The following SMCO4 variants were observed in gnomAD, a reference collection of about 807,000 sequenced individuals.
SMCO4 encodes single-pass membrane and coiled-coil domain-containing protein 4.
SMCO4 carries 4 observed loss-of-function variants against 3.6 expected under a neutral mutation model. The ratio of observed to expected loss-of-function variants is 1.11; its 90% CI spans 0.54 to 2.53. The LOEUF (loss-of-function observed/expected upper bound fraction) is 2.53, where lower values mean the gene tolerates loss of function less well. Among genes scored for constraint, SMCO4 ranks in the 30% most tolerant of loss-of-function variants. The pLI is 0.02. For synonymous variants in SMCO4, 36 were observed against 35.3 expected (o/e 1.02, Z -0.07); for missense variants, 70 against 80.8 (o/e 0.87, Z 0.51).
chr11:93,502,961 A>C (rs576294171), intron 1 of SMCO4, among the ~76,000 whole-genome samples: 19 of 152,314 alleles, frequency 1.2e-4, no homozygotes, highest in Non-Finnish European at 2.6e-4. Flanking sequence ...TTTGTATACC[A>C]ACTCAAGGAG....
intron 1 of SMCO4, among the ~76,000 whole-genome samples, chr11:93,506,441 T>C (rs1157840318): frequency 2.0e-5 from 2 of 101,082 alleles, no homozygotes; most frequent in Non-Finnish European, 4.8e-5. Context: ...CACACACAGC[T>C]TTTTTTTTTT....
the SMCO4 span, among the ~76,000 whole-genome samples, chr11:93,550,031 C>T: frequency 1.3e-5 from 2 of 152,224 alleles, no homozygotes. Flanking sequence ...AAAAAAGCAC[C>T]AGAGCGCTAC....
chr11:93,515,752 C>T (rs1390871530), intron 1 of SMCO4, among the ~76,000 whole-genome samples: 1 of 152,210 alleles, frequency 6.6e-6, no homozygotes, highest in Admixed American at 6.5e-5. Context: ...GAAGAAAAGG[C>T]TCTTGGGCCT....
intron 2 of SMCO4, among the ~76,000 whole-genome samples, chr11:93,482,678 G>C (rs1948605443): frequency 6.6e-6 from 1 of 152,210 alleles, no homozygotes; most frequent in South Asian, 2.1e-4. Context: ...ATTTGTGCCA[G>C]AACATAAGCG....
chr11:93,512,340 C>T (rs1057036407), intron 1 of SMCO4, among the ~76,000 whole-genome samples: 19 of 152,254 alleles, frequency 1.2e-4, no homozygotes, highest in Middle Eastern at 3.4e-3. Flanking sequence ...AACCGTAGCA[C>T]AAAGCATTAC....
intron 1 of SMCO4, among the ~76,000 whole-genome samples, chr11:93,521,733 T>C (rs1949059774): frequency 6.6e-6 from 1 of 152,194 alleles, no homozygotes; most frequent in Admixed American, 6.5e-5. Flanking sequence ...GGGTGAACTG[T>C]TACAAATTCT....
intron 1 of SMCO4, among the ~76,000 whole-genome samples, chr11:93,537,566 C>T (rs946230827): frequency 2.0e-5 from 3 of 151,898 alleles, no homozygotes; most frequent in Non-Finnish European, 4.4e-5. Context: ...CCCAAACACG[C>T]ACCTAAACAC....
intron 1 of SMCO4, among the ~76,000 whole-genome samples, chr11:93,538,692 G>A (rs1377801738): frequency 2.6e-5 from 4 of 152,024 alleles, no homozygotes; most frequent in Non-Finnish European, 2.9e-5. Flanking sequence ...CCATCCCTGG[G>A]GCATCAGACC....
At chr11:93,529,866 A>T (rs1044641823) in intron 1 of SMCO4, among the ~76,000 whole-genome samples, 1 of 152,152 alleles carries the variant, frequency 6.6e-6, no homozygotes, top group African/African-American at 2.4e-5. Flanking sequence ...TGTTTTTATG[A>T]CAAATAAGAA....
chr11:93,541,538 G>A (rs1591333146), intron 1 of SMCO4, among the ~76,000 whole-genome samples: 4 of 152,056 alleles, frequency 2.6e-5, no homozygotes, highest in Admixed American at 2.6e-4. Context: ...AACCCCAGCA[G>A]GACCAATCCA....
chr11:93,550,493 C>T, the SMCO4 span, among the ~76,000 whole-genome samples: 1 of 152,044 alleles, frequency 6.6e-6, no homozygotes, highest in Non-Finnish European at 1.5e-5. Context: ...AACCGCATCT[C>T]TACAAAAAAT....
chr11:93,509,225 A>G lies in SMCO4; in HGVS notation c.-153-9877T>C, dbSNP rs75917259. ...AGGATCGCTTGCACCCAGAAGCTCA[A>G]GGCTGCAGTGAGCTATGATTGCACT... On this transcript the variant is annotated intron_variant, in intron 1 of 2. Transcript: ENST00000298966. 1.8e-4 allele frequency among the ~76,000 whole-genome samples: 27 copies of G among 152,224 alleles called. No individual in the cohort carries two copies. In the East Asian group the frequency reaches 5.2e-3, roughly 29 times the overall value.
In SMCO4 at chr11:93,486,842, A is replaced by G. The variant is rs866919179; in HGVS notation, c.-80-7573T>C. 6.6e-5 allele frequency among the ~76,000 whole-genome samples: 10 copies of G among 152,210 alleles called. No individual in the cohort carries two copies. In the South Asian group the frequency reaches 8.3e-4, roughly 13 times the overall value. ...ACATCCAACCACTAGACTATTCTCA[A>G]TGCTGTTCTCCTTTTCTAAAGTTTC... On this transcript the variant is annotated intron_variant, in intron 2 of 2. Coordinates refer to ENST00000298966, the MANE Select transcript of SMCO4 (RefSeq NM_020179.3).
intron 2 of SMCO4, among the ~76,000 whole-genome samples, chr11:93,483,946 C>T (rs370877358): frequency 2.6e-5 from 4 of 152,336 alleles, no homozygotes; most frequent in South Asian, 2.1e-4. Context: ...GAAGCTCACA[C>T]GCTCAGCCTG....
chr11:93,546,048 G>A (rs752674413), upstream of SMCO4, among the ~76,000 whole-genome samples: 20 of 152,306 alleles, frequency 1.3e-4, no homozygotes, highest in South Asian at 1.9e-3. Context: ...CAGGAATTGT[G>A]AGAAATAAAA....
intron 1 of SMCO4, among the ~76,000 whole-genome samples, chr11:93,538,420 A>C (rs552686369): frequency 6.6e-6 from 1 of 152,314 alleles, no homozygotes; most frequent in East Asian, 1.9e-4. Flanking sequence ...GTGTGCAGAC[A>C]ATACCCCAGG....
In SMCO4 at chr11:93,534,134, T is replaced by C. The variant is rs556706008; in HGVS notation, c.-154+9142A>G. Among the ~76,000 whole-genome samples the C allele has an allele frequency of 5.4e-5, 8 of 147,546 alleles. No homozygotes were observed. In the East Asian group the frequency reaches 1.4e-3, roughly 26 times the overall value. On this transcript the variant is annotated intron_variant, in intron 1 of 2. Transcript: ENST00000298966. ...TGAACCTGGGAGGCAGAGGTTGAAA[T>C]GAGCTAAGATCGCGGCACAGCACTC...
At chr11:93,523,714 A>T (rs1468384043) in intron 1 of SMCO4, among the ~76,000 whole-genome samples, 1 of 152,238 alleles carries the variant, frequency 6.6e-6, no homozygotes, top group Admixed American at 6.5e-5. Flanking sequence ...AGATAATTAT[A>T]CAATCAGTGA....
intron 2 of SMCO4, among the ~76,000 whole-genome samples, chr11:93,492,802 G>A (rs964983868): frequency 1.3e-5 from 2 of 152,178 alleles, no homozygotes; most frequent in Non-Finnish European, 2.9e-5. Context: ...TGAGACGGCC[G>A]GTCCAAAAGG....
Sources: gnomAD v4.1 joint callset for allele counts (sites outside exome capture counted in the v4.1 genomes callset) on GRCh38, gnomAD v4.1.1 for gene constraint, MANE v1.5 for transcripts, NCBI Gene and HGNC (gene_info 2026-07-23, HGNC 2026-07-21) for gene names.